Variants in STX8 observed in about 807,000 individuals in gnomAD.
STX8 encodes the protein syntaxin 8, also known as syntaxin-8.
In STX8, 23 loss-of-function variants were observed where a neutral mutation model predicts 37.5. The ratio of observed to expected loss-of-function variants is 0.61; its 90% confidence interval spans 0.44 to 0.87. STX8 has a LOEUF of 0.87. Ranked by LOEUF, STX8 falls within the 40% of genes least tolerant of loss-of-function variation. The pLI, the probability that STX8 is intolerant of heterozygous loss-of-function variation, is 0.00. For synonymous variants in STX8, 115 were observed against 99.1 expected, an observed-to-expected ratio of 1.16 and a Z score of -0.95; for missense variants, 313 against 284.7, an observed-to-expected ratio of 1.10 and a Z score of -0.71.
chr17:9,296,688 AGGATTAGCT>A, intron 7 of STX8, among the ~76,000 whole-genome samples: 1 of 152,092 alleles, frequency 6.6e-6, no homozygotes, highest in East Asian at 1.9e-4. Flanking sequence ...GACAAAATGA[AGGATTAGCT>A]GGATTAGCTG....
At chr17:9,550,931 C>G (rs1906735726) in intron 3 of STX8, among the ~76,000 whole-genome samples, 1 of 152,084 alleles carries the variant, frequency 6.6e-6, no homozygotes, top group Non-Finnish European at 1.5e-5. Flanking sequence ...AAAAATTAGC[C>G]AGGTGTAGTG....
chr17:9,336,314 A>T (rs1233355680), intron 7 of STX8, among the ~76,000 whole-genome samples: 1 of 152,190 alleles, frequency 6.6e-6, no homozygotes, highest in Non-Finnish European at 1.5e-5. Context: ...TAGGTGCAAA[A>T]CGACCATGCC....
chr17:9,534,631 T>C (rs1905955806), intron 4 of STX8, among the ~76,000 whole-genome samples: 1 of 152,002 alleles, frequency 6.6e-6, no homozygotes, highest in Admixed American at 6.6e-5. Context: ...CTTCTAAAAA[T>C]ACAAAAATTA....
chr17:9,416,376 T>A (rs1382522062), intron 6 of STX8, among the ~76,000 whole-genome samples: 1 of 149,696 alleles, frequency 6.7e-6, no homozygotes, highest in Non-Finnish European at 1.5e-5. Context: ...GTAGTTTAAT[T>A]TTTTTTTTTT....
At chr17:9,537,328 G>A (rs1041189567) in intron 4 of STX8, among the ~76,000 whole-genome samples, 1 of 152,200 alleles carries the variant, frequency 6.6e-6, no homozygotes, top group African/African-American at 2.4e-5. Context: ...ATGGCCAAGG[G>A]GCTGAGTGTG....
At chr17:9,423,521 TCACC>T (rs1381211926) in intron 6 of STX8, among the ~76,000 whole-genome samples, 1 of 152,172 alleles carries the variant, frequency 6.6e-6, no homozygotes, top group African/African-American at 2.4e-5. Flanking sequence ...AGATGGCGTT[TCACC>T]ATGTTGTTAA....
At chr17:9,551,552 G>A (rs974161952) in intron 3 of STX8, among the ~76,000 whole-genome samples, 1 of 152,154 alleles carries the variant, frequency 6.6e-6, no homozygotes, top group Non-Finnish European at 1.5e-5. Flanking sequence ...TGGACTTCTA[G>A]CATCCCATTC....
At chr17:9,567,255 G>A (rs766205908) in intron 2 of STX8, among the ~76,000 whole-genome samples, 7 of 152,164 alleles carry the variant, frequency 4.6e-5, no homozygotes, top group Non-Finnish European at 7.3e-5. Flanking sequence ...CATAACACAA[G>A]CTTACCTATA....
At chr17:9,320,813 A>G (rs1395969264) in intron 7 of STX8, among the ~76,000 whole-genome samples, 1 of 151,846 alleles carries the variant, frequency 6.6e-6, no homozygotes, top group Admixed American at 6.6e-5. Flanking sequence ...AGGCAGGAGA[A>G]TCACTTGAAC....
At chr17:9,470,631 T>C (rs191135340) in intron 6 of STX8, among the ~76,000 whole-genome samples, 82 of 152,334 alleles carry the variant, frequency 5.4e-4, no homozygotes, top group South Asian at 2.1e-3. Context: ...CATTCTTTCA[T>C]TGATTCTCCA....
At chr17:9,299,439 C>CTTTTTTT (rs34149994) in intron 7 of STX8, among the ~76,000 whole-genome samples, 2 of 93,044 alleles carry the variant, frequency 2.1e-5, no homozygotes, top group Non-Finnish European at 4.2e-5. Context: ...CATTCTTACG[C>CTTTTTTT]TTTTTTTTTT....
intron 6 of STX8, among the ~76,000 whole-genome samples, chr17:9,474,239 G>A (rs1906005040): frequency 6.6e-6 from 1 of 152,102 alleles, no homozygotes. Context: ...TATATACTGT[G>A]CCTTTTCCAT....
At chr17:9,447,305 A>T (rs1185938094) in intron 6 of STX8, among the ~76,000 whole-genome samples, 1 of 152,218 alleles carries the variant, frequency 6.6e-6, no homozygotes, top group Non-Finnish European at 1.5e-5. Context: ...AAATTACAAG[A>T]ATGAAGTGTG....
At chr17:9,376,877 C>T (rs1021874501) in intron 7 of STX8, among the ~76,000 whole-genome samples, 1 of 152,216 alleles carries the variant, frequency 6.6e-6, no homozygotes, top group Non-Finnish European at 1.5e-5. Context: ...ATTCCGGACA[C>T]AGTATCTCTC....
intron 6 of STX8, among the ~76,000 whole-genome samples, chr17:9,489,532 C>T (rs1056287248): frequency 6.6e-6 from 1 of 152,166 alleles, no homozygotes; most frequent in African/African-American, 2.4e-5. Context: ...GCCATCCACC[C>T]GCAGACACTG....
intron 7 of STX8, among the ~76,000 whole-genome samples, chr17:9,356,748 C>T (rs778609626): frequency 2.0e-5 from 3 of 152,250 alleles, no homozygotes; most frequent in African/African-American, 2.4e-5. Context: ...AGTCCCAGAA[C>T]GAGCAAGGCA....
At chr17:9,432,922 G>C (rs2142374106) in intron 6 of STX8, among the ~76,000 whole-genome samples, 1 of 152,318 alleles carries the variant, frequency 6.6e-6, no homozygotes, top group Non-Finnish European at 1.5e-5. Flanking sequence ...CTCAGGTGCA[G>C]TTTAGAACAT....
intron 6 of STX8, among the ~76,000 whole-genome samples, chr17:9,471,046 T>C (rs1175417072): frequency 1.4e-5 from 2 of 138,320 alleles, no homozygotes; most frequent in East Asian, 4.1e-4. Context: ...TTTTTTTTTT[T>C]TTTTTTTTGA....
intron 7 of STX8, among the ~76,000 whole-genome samples, chr17:9,316,098 G>A (rs559359263): frequency 6.6e-6 from 1 of 151,864 alleles, no homozygotes; most frequent in South Asian, 2.1e-4. Flanking sequence ...CCCCTATAAT[G>A]TCTACTGTAG....
Sources: gnomAD v4.1 joint callset for allele counts (sites outside exome capture counted in the v4.1 genomes callset) on GRCh38, gnomAD v4.1.1 for gene constraint, MANE v1.5 for transcripts, NCBI Gene and HGNC (gene_info 2026-07-23, HGNC 2026-07-21) for gene names.